Variants in SYNE2 observed in about 807,000 individuals in gnomAD.
The protein encoded by SYNE2 is nesprin-2.
A neutral mutation model predicts 856.3 loss-of-function variants in SYNE2; 431 were observed. That is an observed-to-expected ratio of 0.50 (90% CI 0.47 to 0.55). The LOEUF is 0.55. Ranked by LOEUF, SYNE2 falls within the 20% of genes least tolerant of loss-of-function variation. The probability of loss-of-function intolerance (pLI) is 0.00; values close to 1 mark genes in which losing one functional copy is unlikely to be tolerated. For synonymous variants in SYNE2, 2,923 were observed against 2,872.3 expected (o/e 1.02, Z -0.56); for missense variants, 8,129 against 8,023.2 (o/e 1.01, Z -0.50).
At chr14:64,089,308 G>A (rs1271821489) in intron 58 of SYNE2, among the ~76,000 whole-genome samples, 1 of 132,368 alleles carries the variant, frequency 7.6e-6, no homozygotes, top group Non-Finnish European at 1.6e-5. Context: ...GGAGGTTACA[G>A]TGAGCAGAGA....
intron 19 of SYNE2, among the ~76,000 whole-genome samples, chr14:63,989,731 A>G (rs1394969778): frequency 6.6e-6 from 1 of 152,070 alleles, no homozygotes; most frequent in Non-Finnish European, 1.5e-5. Context: ...GCTCACTGCA[A>G]CCTCTGCCTC....
At chr14:64,113,314 C>T (rs942136894) in intron 65 of SYNE2, 27 bp from the exon 66 acceptor site, 3 of 1,612,868 alleles carry the variant, frequency 1.9e-6, no homozygotes, top group Non-Finnish European at 2.5e-6. Flanking sequence ...CTTTGGACTC[C>T]CTGGCTTATC....
chr14:64,090,286 T>A (rs1384127216), intron 59 of SYNE2, among the ~76,000 whole-genome samples: 2 of 152,240 alleles, frequency 1.3e-5, no homozygotes, highest in Non-Finnish European at 2.9e-5. Flanking sequence ...TTAGGATACT[T>A]ACCTCTCGAG....
chr14:63,942,874 G>T (rs1273173861), intron 6 of SYNE2, among the ~76,000 whole-genome samples: 1 of 152,094 alleles, frequency 6.6e-6, no homozygotes, highest in Non-Finnish European at 1.5e-5. Context: ...CAGGTGATCT[G>T]CCTGCCTCGA....
At chr14:63,853,552 ATTG>A (rs1251204602) in intron 1 of SYNE2, among the ~76,000 whole-genome samples, 1 of 151,562 alleles carries the variant, frequency 6.6e-6, no homozygotes, top group African/African-American at 2.4e-5. Context: ...GGGGCCGCTG[ATTG>A]TTTTCATTCC....
chr14:64,043,999 A>G (rs562319783), intron 45 of SYNE2, among the ~76,000 whole-genome samples: 5 of 152,354 alleles, frequency 3.3e-5, no homozygotes, highest in African/African-American at 1.2e-4. Context: ...CTGGGACTAC[A>G]GACACATGCC....
At chr14:64,122,628 C>A in intron 70 of SYNE2, 1 of 665,996 alleles carries the variant, frequency 1.5e-6, no homozygotes, top group South Asian at 1.8e-5. Flanking sequence ...CTTCCCTCAT[C>A]AGAGCTGTTA....
chr14:64,078,378 CAGAGTGACT>C, intron 54 of SYNE2, 79 bp from the exon 55 acceptor site: 1 of 1,577,470 alleles, frequency 6.3e-7, no homozygotes, highest in Non-Finnish European at 8.7e-7. Flanking sequence ...CAAGTTAAAA[CAGAGTGACT>C]ACCACTTTTG....
chr14:64,037,840 G>A (rs2097106638), intron 45 of SYNE2, among the ~76,000 whole-genome samples: 1 of 149,286 alleles, frequency 6.7e-6, no homozygotes, highest in African/African-American at 2.5e-5. Flanking sequence ...GCTGGGCGGG[G>A]GGCTGACACC....
At chr14:63,829,916 GACA>G (rs1464516967) in intron 1 of SYNE2, among the ~76,000 whole-genome samples, 1 of 152,002 alleles carries the variant, frequency 6.6e-6, no homozygotes, top group Non-Finnish European at 1.5e-5. Context: ...ACTGTGCCCA[GACA>G]ACAACATTAT....
At chr14:64,023,154 C>T (rs746098644) in intron 38 of SYNE2, 114 of 362,314 alleles carry the variant, frequency 3.1e-4, no homozygotes, top group Non-Finnish European at 5.3e-4. Flanking sequence ...GTGAGAGGAT[C>T]GCTTGAGCCT....
intron 96 of SYNE2, among the ~76,000 whole-genome samples, chr14:64,178,667 C>G (rs1326389271): frequency 2.0e-5 from 3 of 152,192 alleles, no homozygotes; most frequent in African/African-American, 7.2e-5. Context: ...CCATGTTGCC[C>G]AGACTGGTCT....
At position 64,053,248 on chromosome 14, in the gene SYNE2, A is replaced by G. The variant is rs1595161963; in HGVS notation, c.9335A>G (p.Asp3112Gly). The G allele has an allele frequency of 6.2e-7, 1 of 1,611,630 alleles. No homozygotes were observed. The highest frequency in any genetic ancestry group is 8.5e-7 in the Non-Finnish European group (1 of 1,179,358). ...IKKLNENKTFDDSFKEKEILQ... is the reference protein window; with the variant it reads ...IKKLNENKTFGDSFKEKEILQ... Reference sequence around the variant, plus strand: ...AAATTAAATGAAAATAAGACCTTTGATGACTCATTCAAGGAGAAAGAAATA... The same window carrying G: ...AAATTAAATGAAAATAAGACCTTTGGTGACTCATTCAAGGAGAAAGAAATA... Residue 3112 changes from aspartate (D) to glycine (G), a missense_variant, in exon 48 of 116, where the codon GAT becomes GGT. By Grantham distance (94) the Asp-to-Gly change is moderately conservative. This residue lies in a region of SYNE2 where 5,410 missense variants were observed against 5,284.8 expected (regional missense o/e 1.02). Transcript: ENST00000555002.
At position 64,121,071 on chromosome 14, in the gene SYNE2, GCCC is replaced by G; in HGVS notation, c.13158+13_13158+15del. On this transcript the variant is annotated intron_variant, in intron 68 of 115. Coordinates refer to ENST00000555002, the MANE Select transcript of SYNE2 (RefSeq NM_182914.3). ...TTTCCAGCAGCAACAGGTAATTCTA[GCCC>G]CCAACAGTTGTAGGGACTAGAATAT... The G allele has an allele frequency of 6.2e-7, 1 of 1,613,844 alleles. No individual in the cohort carries two copies. The highest frequency in any genetic ancestry group is 1.1e-5 in the South Asian group (1 of 91,062).
chr14:63,967,409 C>CA (rs1441485931), intron 10 of SYNE2, among the ~76,000 whole-genome samples: 1 of 152,144 alleles, frequency 6.6e-6, no homozygotes, highest in Non-Finnish European at 1.5e-5. Context: ...CAAACAAACT[C>CA]ATATTTTCCA....
intron 1 of SYNE2, among the ~76,000 whole-genome samples, chr14:63,898,526 AC>A (rs1365387273): frequency 1.3e-4 from 19 of 151,672 alleles, no homozygotes; most frequent in African/African-American, 4.4e-4. Context: ...CGCCACAGCC[AC>A]CCGAGTAGCT....
At position 64,065,645 on chromosome 14, in the gene SYNE2, G is replaced by A. The variant is rs369499779; in HGVS notation, c.10426G>A (p.Glu3476Lys). 1 of 1,614,124 alleles carries A rather than the reference G, an allele frequency of 6.2e-7. No individual in the cohort carries two copies. The highest frequency in any genetic ancestry group is 8.5e-7 in the Non-Finnish European group (1 of 1,180,006). Reference sequence around the variant, plus strand: ...GAAGCAGGAATGGAAATTTGTCAGTGAAGAAGTGAGTGCTTCATTTTCAAC... The same window carrying A: ...GAAGCAGGAATGGAAATTTGTCAGTAAAGAAGTGAGTGCTTCATTTTCAAC... ...ELKQEWKFVS[E>K]EIEREAIILD... The change falls in exon 51 of 116, where the codon GAA becomes AAA. Residue 3476 changes from glutamate to lysine, a missense_variant. Around this residue, in one of 3 missense-constraint regions of SYNE2, gnomAD observed 5,410 missense variants for 5,284.8 expected, o/e 1.02. Transcript: ENST00000555002.
chr14:64,161,243 C>T (rs1487050305), intron 87 of SYNE2, among the ~76,000 whole-genome samples: 7 of 151,318 alleles, frequency 4.6e-5, no homozygotes, highest in Non-Finnish European at 1.0e-4. Flanking sequence ...CTTGTGGGGG[C>T]TGAGATGGGA....
At chr14:64,105,665 T>C (rs2153647017) in intron 64 of SYNE2, among the ~76,000 whole-genome samples, 1 of 152,340 alleles carries the variant, frequency 6.6e-6, no homozygotes, top group Middle Eastern at 3.4e-3. Context: ...ACATGTCATT[T>C]TCCCATTGCT....
Sources: allele counts gnomAD v4.1 joint callset (sites outside exome capture counted in the v4.1 genomes callset), GRCh38; gene constraint gnomAD v4.1.1; regional missense constraint gnomAD v4.1.1; transcripts MANE v1.5; gene names NCBI Gene and HGNC (gene_info 2026-07-23, HGNC 2026-07-21).